TTF1: variants seen among roughly 807,000 people sequenced by gnomAD.
TTF1 encodes the protein transcription termination factor 1.
Under a neutral mutation model 80.2 loss-of-function variants are expected in TTF1, and 64 were observed. The ratio of observed to expected loss-of-function variants is 0.80; its 90% CI spans 0.65 to 0.98. The LOEUF (loss-of-function observed/expected upper bound fraction) is 0.98, where lower values mean the gene tolerates loss of function less well. Ranked by LOEUF, TTF1 falls within the 50% of genes least tolerant of loss-of-function variation. TTF1 has a pLI of 0.00. For missense variants in TTF1, 1,023 were observed against 1,086.2 expected (o/e 0.94, Z 0.82); for synonymous variants, 372 against 382.7 (o/e 0.97, Z 0.33).
At chr9:132,378,583 G>C (rs1320935991) in intron 10 of TTF1, among the ~76,000 whole-genome samples, 5 of 135,846 alleles carry the variant, frequency 3.7e-5, no homozygotes, top group Admixed American at 3.5e-4. Flanking sequence ...TGCATGTGGT[G>C]TGTGAATGCA....
chr9:132,401,464 T>C lies in TTF1; in HGVS notation c.1358A>G (p.Glu453Gly). 1.9e-6 allele frequency: 3 copies of C among 1,609,716 alleles called. No homozygotes were observed. Among genetic ancestry groups the C allele is most frequent in the Non-Finnish European group, 1.7e-6 (2 of 1,177,400 alleles). ...ACCACTCCCTCGTTACCTTGGCGCC[T>C]CTTGCACGTGCTTGCTTGCCAAACA... ...QACLASKHVQ[E>G]APRLEPANEE... The change falls in exon 2 of 11, where the codon GAG becomes GGG. Residue 453 changes from glutamate (E) to glycine (G), a missense_variant. Glu to Gly is a moderately conservative substitution (Grantham distance 98). Coordinates refer to ENST00000334270, the MANE Select transcript of TTF1 (RefSeq NM_007344.4).
In TTF1 at chr9:132,401,805, G is replaced by A. The variant is rs768254305; in HGVS notation, c.1017C>T (p.Ser339=). 5 of 1,613,944 alleles carry A rather than the reference G, an allele frequency of 3.1e-6. No individual in the cohort carries two copies. The East Asian group carries it at 1.1e-4, about 36-fold the overall frequency. The change falls in exon 2 of 11, where the codon TCC becomes TCT. Residue 339 remains serine, a synonymous_variant. Transcript: ENST00000334270. ...KNKSKKKKKK[S]NHQEFEAVAM... ...CCACTGCCTCAAATTCCTGGTGATTGGACTTTTTCTTTTTTTTCTTAGACT... is the reference window on the plus strand; with the variant it reads ...CCACTGCCTCAAATTCCTGGTGATTAGACTTTTTCTTTTTTTTCTTAGACT...
chr9:132,401,159 G>T (rs111278684), intron 2 of TTF1, among the ~76,000 whole-genome samples: 73 of 151,990 alleles, frequency 4.8e-4, no homozygotes, highest in Non-Finnish European at 8.5e-4. Flanking sequence ...GACAAACGTC[G>T]TCTCTACTAA....
At chr9:132,405,247 C>G (rs929621146) in intron 1 of TTF1, among the ~76,000 whole-genome samples, 1 of 151,874 alleles carries the variant, frequency 6.6e-6, no homozygotes, top group Non-Finnish European at 1.5e-5. Flanking sequence ...TTCTGTCACC[C>G]AGGCTGGAGT....
chr9:132,390,949 A>G, intron 6 of TTF1, 118 bp from the exon 7 acceptor site: 1 of 880,884 alleles, frequency 1.1e-6, no homozygotes, highest in Non-Finnish European at 1.7e-6. Context: ...TCAATTATAT[A>G]GACATAAAAC....
intron 1 of TTF1, among the ~76,000 whole-genome samples, chr9:132,403,184 C>T (rs944182986): frequency 1.3e-5 from 2 of 152,090 alleles, no homozygotes; most frequent in Admixed American, 6.6e-5. Flanking sequence ...AACATAGCCT[C>T]AGCGGAAAAA....
rs79825826 is a variant in TTF1 at position 132,396,387 on chromosome 9, A to G, written c.1856+46T>C. ...AATATTTTGATTTATGGTATCAGCA[A>G]AGACTAGAGAAATGTTGTCTCAAGC... On this transcript the variant is annotated intron_variant, in intron 5 of 10. Coordinates refer to ENST00000334270, the MANE Select transcript of TTF1 (RefSeq NM_007344.4). 2,784 of 1,562,692 alleles carry G rather than the reference A, an allele frequency of 1.8e-3. 52 individuals are homozygous for G. In the African/African-American group the frequency reaches 0.034, roughly 19 times the overall value.
chr9:132,406,465 G>A (rs1037671967), intron 1 of TTF1, among the ~76,000 whole-genome samples: 1 of 152,130 alleles, frequency 6.6e-6, no homozygotes, highest in Non-Finnish European at 1.5e-5. Flanking sequence ...AGCTAGGCTT[G>A]GTGGCGGGCG....
chr9:132,388,873 A>C (rs1849514124), intron 7 of TTF1, among the ~76,000 whole-genome samples: 1 of 152,200 alleles, frequency 6.6e-6, no homozygotes, highest in Non-Finnish European at 1.5e-5. Flanking sequence ...AATCTGATAG[A>C]TCATTAGCTG....
intron 9 of TTF1, among the ~76,000 whole-genome samples, chr9:132,385,611 A>G (rs1161861103): frequency 6.6e-6 from 1 of 152,146 alleles, no homozygotes; most frequent in Non-Finnish European, 1.5e-5. Context: ...TCATCCCCGC[A>G]TGGCTACCCT....
Position 132,390,740 on chromosome 9 carries a change from C to G in TTF1, c.2079G>C (p.Glu693Asp). ...GGAGTTTGGAATCCACCTCTTTTAA[C>G]TCCTGGGGAGACATCTTCTTCAGAA... ...EVILKKMSPQ[E>D]LKEVDSKLQE... is the part of the protein sequence containing the mutation. Residue 693 changes from glutamate (E) to aspartate (D), a missense_variant, in exon 7 of 11, where the codon GAG (glutamate) becomes GAC (aspartate). Transcript: ENST00000334270. 2 of 1,614,234 alleles carry G rather than the reference C, an allele frequency of 1.2e-6. No homozygotes were observed. The highest frequency in any genetic ancestry group is 1.7e-6 in the Non-Finnish European group (2 of 1,180,042).
In TTF1 at chr9:132,376,105, A is replaced by G; in HGVS notation, c.2528T>C (p.Met843Thr). ...CTGGATTTTAGTGCCTTTTTTCTCC[A>G]TCATTTTTTCTAACTTTTCCTTCAG... ...PLLKEKLEKMMEKKGTKIQTP... is the reference protein window; with the variant it reads ...PLLKEKLEKMTEKKGTKIQTP... Residue 843 changes from methionine (M) to threonine (T), a missense_variant, in exon 11 of 11, where the codon ATG becomes ACG. Coordinates refer to ENST00000334270, the MANE Select transcript of TTF1 (RefSeq NM_007344.4). 1.2e-6 allele frequency: 2 copies of G among 1,614,154 alleles called. No individual in the cohort carries two copies. The highest frequency in any genetic ancestry group is 1.7e-6 in the Non-Finnish European group (2 of 1,180,026).
In TTF1 at chr9:132,398,282, G is replaced by A; in HGVS notation, c.1636C>T (p.Gln546Ter). Residue 546 changes from glutamine (Q) to a stop codon, truncating the protein, a stop_gained, in exon 4 of 11, where the codon CAG becomes TAG. Coordinates refer to ENST00000334270, the MANE Select transcript of TTF1 (RefSeq NM_007344.4). LOFTEE classifies it high-confidence loss of function. ...AAGTCTTCCACATTTTTCTCTAACT[G>A]CTTATTTTCCTTTACAGAAAACTTG... The part of the protein sequence containing the change: ...FGKFSVKENK[Q>*]LEKNVEDFLA... 6.2e-7 allele frequency: 1 copy of A among 1,608,684 alleles called. No homozygotes were observed. The highest frequency in any genetic ancestry group is 8.5e-7 in the Non-Finnish European group (1 of 1,178,246).
At chr9:132,404,877 A>G (rs1204664301) in intron 1 of TTF1, among the ~76,000 whole-genome samples, 1 of 151,886 alleles carries the variant, frequency 6.6e-6, no homozygotes, top group Non-Finnish European at 1.5e-5. Context: ...AGCAAAGCCG[A>G]TTATTTCTTT....
chr9:132,376,816 G>T (rs1849186522), intron 10 of TTF1, among the ~76,000 whole-genome samples: 1 of 151,912 alleles, frequency 6.6e-6, no homozygotes, highest in Admixed American at 6.6e-5. Flanking sequence ...AAGTAGCTGG[G>T]AACACAGACA....
chr9:132,402,136 C>T lies in TTF1; in HGVS notation c.686G>A (p.Arg229Gln), dbSNP rs147341865. 963 of 1,613,920 alleles carry T rather than the reference C, an allele frequency of 6.0e-4. 3 individuals carry two copies. The African/African-American group carries it at 0.011, about 19-fold the overall frequency. Residue 229 changes from arginine (R) to glutamine (Q), a missense_variant, in exon 2 of 11, where the codon CGG (arginine) becomes CAG (glutamine). Physicochemically the swap from Arg to Gln is conservative, Grantham distance 43 (BLOSUM62 1). Coordinates refer to ENST00000334270, the MANE Select transcript of TTF1 (RefSeq NM_007344.4). Reference sequence around the variant, plus strand: ...AGGCATGGCCAGTGTCTCATATTCCCGGTTACTGGACTTTTTCTTTTTTTT... The same window carrying T: ...AGGCATGGCCAGTGTCTCATATTCCTGGTTACTGGACTTTTTCTTTTTTTT... ...SKKKKKKSSN[R>Q]EYETLAMPEG...
At chr9:132,403,267 A>C (rs188449205) in intron 1 of TTF1, among the ~76,000 whole-genome samples, 316 of 152,278 alleles carry the variant, frequency 2.1e-3, no homozygotes, top group Non-Finnish European at 3.9e-3. Flanking sequence ...ATTATTCTAG[A>C]TACACAGGTG....
chr9:132,380,566 G>A (rs896048340), intron 9 of TTF1, among the ~76,000 whole-genome samples: 5 of 152,148 alleles, frequency 3.3e-5, no homozygotes, highest in African/African-American at 1.2e-4. Context: ...CCATAATGCT[G>A]TGCGCCCAAC....
chr9:132,401,011 T>A (rs1406961310), intron 2 of TTF1, among the ~76,000 whole-genome samples: 2 of 152,218 alleles, frequency 1.3e-5, no homozygotes, highest in African/African-American at 2.4e-5. Flanking sequence ...AGGGTCTACC[T>A]CTTGATGATT....
Sources: allele counts gnomAD v4.1 joint callset (sites outside exome capture counted in the v4.1 genomes callset), GRCh38; gene constraint gnomAD v4.1.1; transcripts MANE v1.5; gene names NCBI Gene and HGNC (gene_info 2026-07-23, HGNC 2026-07-21).